Variants in SUPT3H observed in about 807,000 individuals in gnomAD.
SUPT3H encodes SPT3 homolog, SAGA and STAGA complex component, also known as transcription initiation protein SPT3 homolog.
SUPT3H carries 44 observed loss-of-function variants against 44.3 expected under a neutral mutation model. That is an observed-to-expected ratio of 0.99 (90% CI 0.78 to 1.28). SUPT3H has a LOEUF of 1.28. Ranked by LOEUF, SUPT3H falls within the 50% of genes most tolerant of loss-of-function variation. SUPT3H has a pLI of 0.00. For missense variants in SUPT3H, 380 were observed against 387.1 expected (o/e 0.98, Z 0.15); for synonymous variants, 124 against 125.6 (o/e 0.99, Z 0.09).
In SUPT3H at chr6:44,829,080, C is replaced by CTT. The variant is rs1768152189; in HGVS notation, c.*734_*735dup. The CTT allele has an allele frequency of 6.6e-6, 1 of 152,394 alleles. No homozygotes were observed. The highest frequency in any genetic ancestry group is 1.5e-5 in the Non-Finnish European group (1 of 68,054). 9.4% of individuals were successfully genotyped at this position (152,394 alleles called of 1,614,324 possible). On this transcript the variant is annotated 3_prime_UTR_variant, in exon 11 of 11. Transcript: ENST00000371459. ...GCTCCCCTTCTACTGATTCTGAATA[C>CTT]TTGGCTTCTAAATGTGTATGGCATG...
At chr6:45,141,654 C>A (rs924778089) in intron 2 of SUPT3H, among the ~76,000 whole-genome samples, 155 of 151,684 alleles carry the variant, frequency 1.0e-3, no homozygotes, top group African/African-American at 3.6e-3. Context: ...AAGACAAAGA[C>A]AAAAAAAATT....
At chr6:45,041,181 A>G (rs1175197482) in intron 3 of SUPT3H, among the ~76,000 whole-genome samples, 1 of 152,212 alleles carries the variant, frequency 6.6e-6, no homozygotes, top group Admixed American at 6.5e-5. Flanking sequence ...ATAAATAAAT[A>G]AATGAAATAT....
intron 2 of SUPT3H, among the ~76,000 whole-genome samples, chr6:45,309,978 C>T (rs574055998): frequency 9.2e-5 from 14 of 152,192 alleles, no homozygotes; most frequent in South Asian, 8.3e-4. Flanking sequence ...CTGAAGAAAG[C>T]GGACTGCTCC....
intron 10 of SUPT3H, among the ~76,000 whole-genome samples, chr6:44,893,320 G>A (rs960559148): frequency 5.9e-5 from 9 of 152,252 alleles, no homozygotes; most frequent in South Asian, 2.1e-4. Flanking sequence ...CTGGTGCGCT[G>A]CACCCACTAA....
chr6:44,890,500 A>G (rs1763100446), intron 10 of SUPT3H, among the ~76,000 whole-genome samples: 1 of 151,470 alleles, frequency 6.6e-6, no homozygotes. Flanking sequence ...TCAGTAAACT[A>G]TCGCCAGAAC....
chr6:45,122,429 C>T (rs1318319756), intron 2 of SUPT3H, among the ~76,000 whole-genome samples: 1 of 152,038 alleles, frequency 6.6e-6, no homozygotes, highest in African/African-American at 2.4e-5. Flanking sequence ...TTTCACAGTA[C>T]CTAAGGATTA....
At chr6:45,210,758 T>C (rs1212740125) in intron 2 of SUPT3H, among the ~76,000 whole-genome samples, 6 of 152,154 alleles carry the variant, frequency 3.9e-5, no homozygotes, top group African/African-American at 1.4e-4. Flanking sequence ...TAATAAACTA[T>C]AGTATAGGGT....
rs138706684 is a variant in SUPT3H at position 44,966,884 on chromosome 6, C to G, written c.505-5056G>C. Among the ~76,000 whole-genome samples the G allele has an allele frequency of 5.3e-3, 807 of 152,286 alleles. 5 individuals are homozygous for G. The highest frequency in any genetic ancestry group is 0.018 in the African/African-American group (753 of 41,562). ...GGCTTTTATTCATACTGAACATTCT[C>G]AAATTACACAATGCTCTCCTATCTC... On this transcript the variant is annotated intron_variant, in intron 6 of 10. Transcript: ENST00000371459.
chr6:45,034,923 C>T (rs983386611), intron 3 of SUPT3H, among the ~76,000 whole-genome samples: 2 of 152,268 alleles, frequency 1.3e-5, no homozygotes, highest in East Asian at 1.9e-4. Flanking sequence ...AGCTAGTAGA[C>T]AACTTTTCCC....
intron 3 of SUPT3H, among the ~76,000 whole-genome samples, chr6:45,082,613 C>T (rs1324053559): frequency 6.6e-6 from 1 of 151,914 alleles, no homozygotes; most frequent in Non-Finnish European, 1.5e-5. Flanking sequence ...CGATAAAAGC[C>T]CTCAAGAAAC....
chr6:44,829,593 C>T lies in SUPT3H; in HGVS notation c.*223G>A. Reference sequence around the variant, plus strand: ...GCATTCTTGTCCACCTACAGACTATCCTAAACATCCTGCCATTAATTAGCT... The same window carrying T: ...GCATTCTTGTCCACCTACAGACTATTCTAAACATCCTGCCATTAATTAGCT... On this transcript the variant is annotated 3_prime_UTR_variant, in exon 11 of 11. Coordinates refer to ENST00000371459, the MANE Select transcript of SUPT3H (RefSeq NM_003599.4). 1.9e-6 allele frequency: 1 copy of T among 529,938 alleles called. No homozygotes were observed. The allele number at this position is 529,938 out of a possible 1,614,324, so 32.8% of individuals were successfully genotyped here. A position where few individuals can be genotyped will look rare whatever the true frequency, so the allele number is the denominator to read the frequency against.
intron 10 of SUPT3H, among the ~76,000 whole-genome samples, chr6:44,854,308 A>G (rs1323174749): frequency 6.6e-6 from 1 of 152,160 alleles, no homozygotes; most frequent in Non-Finnish European, 1.5e-5. Context: ...TCATCCTTCT[A>G]TGGACTCTTT....
chr6:45,158,293 T>A (rs1297815976), intron 2 of SUPT3H, among the ~76,000 whole-genome samples: 1 of 46,830 alleles, frequency 2.1e-5, no homozygotes, highest in African/African-American at 6.2e-5. Flanking sequence ...TATATATATA[T>A]ATATATTTTT....
At chr6:45,178,295 A>C (rs901307661) in intron 2 of SUPT3H, among the ~76,000 whole-genome samples, 3 of 152,186 alleles carry the variant, frequency 2.0e-5, no homozygotes, top group Admixed American at 2.0e-4. Flanking sequence ...CAGACTTTAA[A>C]CCAACAAAGA....
intron 6 of SUPT3H, among the ~76,000 whole-genome samples, chr6:44,980,871 C>A (rs1778998531): frequency 6.6e-6 from 1 of 152,128 alleles, no homozygotes; most frequent in Non-Finnish European, 1.5e-5. Flanking sequence ...AGTCAAATAA[C>A]CATGTCTAAT....
At chr6:45,009,631 T>C (rs890273217) in intron 5 of SUPT3H, among the ~76,000 whole-genome samples, 1 of 152,194 alleles carries the variant, frequency 6.6e-6, no homozygotes, top group Non-Finnish European at 1.5e-5. Flanking sequence ...TAAATGCTCA[T>C]TACTGAACTC....
intron 2 of SUPT3H, among the ~76,000 whole-genome samples, chr6:45,284,309 GTTT>G (rs200978130): frequency 6.6e-6 from 1 of 151,608 alleles, no homozygotes; most frequent in Non-Finnish European, 1.5e-5. Flanking sequence ...CCAGGAGCTG[GTTT>G]TTTTTGAAAA....
intron 10 of SUPT3H, among the ~76,000 whole-genome samples, chr6:44,912,870 T>G (rs1767271243): frequency 6.6e-6 from 1 of 152,200 alleles, no homozygotes; most frequent in Non-Finnish European, 1.5e-5. Context: ...GCACCATAGA[T>G]GTTCAGTTTC....
chr6:45,340,659 A>G (rs1026406964), intron 2 of SUPT3H, among the ~76,000 whole-genome samples: 14 of 152,134 alleles, frequency 9.2e-5, no homozygotes, highest in Admixed American at 6.6e-4. Context: ...AAAAGTTTCA[A>G]GGAATTAGAT....
Sources: allele counts gnomAD v4.1 joint callset (sites outside exome capture counted in the v4.1 genomes callset), GRCh38; gene constraint gnomAD v4.1.1; transcripts MANE v1.5; gene names NCBI Gene and HGNC (gene_info 2026-07-23, HGNC 2026-07-21).